Variants in LCMT2 observed in about 807,000 individuals in gnomAD.
The protein encoded by LCMT2 is tRNA wybutosine-synthesizing protein 4.
In LCMT2, 34 loss-of-function variants were observed where a neutral mutation model predicts 42.0. That is an observed-to-expected ratio of 0.81 (90% CI 0.62 to 1.08). The LOEUF is 1.08. Among genes scored for constraint, LCMT2 ranks in the 50% least tolerant of loss-of-function variants. The probability of loss-of-function intolerance (pLI) is 0.00; values close to 1 mark genes in which losing one functional copy is unlikely to be tolerated. For synonymous variants in LCMT2, 445 were observed against 369.5 expected, an observed-to-expected ratio of 1.20 and a Z score of -2.34; for missense variants, 1,091 against 889.4, an observed-to-expected ratio of 1.23 and a Z score of -2.88.
Position 43,326,982 on chromosome 15 carries a change from T to C in LCMT2, c.*1447A>G, listed in dbSNP as rs185132332. 3 of 152,346 alleles carry C rather than the reference T, an allele frequency of 2.0e-5. No individual in the cohort carries two copies. The East Asian group carries it at 5.8e-4, about 29-fold the overall frequency. 9.4% of individuals were successfully genotyped at this position (152,346 alleles called of 1,614,324 possible). On this transcript the variant is annotated 3_prime_UTR_variant, in exon 1 of 1. Transcript: ENST00000305641. ...AAGAAATACTAAAGTAATACACTTA[T>C]TACCACCAAAGCCACTACATTTTTT...
In LCMT2 at chr15:43,329,582, C is replaced by T. The variant is rs761324436; in HGVS notation, c.908G>A (p.Cys303Tyr). Residue 303 changes from cysteine to tyrosine, a missense_variant, in exon 1 of 1, where the codon TGC becomes TAC. By Grantham distance (194) the Cys-to-Tyr change is radical. Transcript: ENST00000305641. ...FDEFEEWHLK[C>Y]AHYFILAASR... ...AGCTGCCAGAATGAAATAATGGGCGCACTTCAGATGCCACTCCTCAAATTC... is the reference window on the plus strand; with the variant it reads ...AGCTGCCAGAATGAAATAATGGGCGTACTTCAGATGCCACTCCTCAAATTC... The T allele has an allele frequency of 6.2e-7, 1 of 1,614,112 alleles. No individual in the cohort carries two copies. The highest frequency in any genetic ancestry group is 8.5e-7 in the Non-Finnish European group (1 of 1,179,978).
In LCMT2 at chr15:43,329,844, CG is replaced by C; in HGVS notation, c.645del (p.Phe215LeufsTer7). ...WAAQRFPNAL[F>X]VVYEQMRPQD... ...TGAGGCCTCATCTGCTCATAGACCA[CG>C]AAAAGGGCATTAGGAAAACGCTGGG... On this transcript the variant is annotated frameshift_variant, in exon 1 of 1. Transcript: ENST00000305641. LOFTEE classifies it high-confidence loss of function. 1 of 1,613,856 alleles carries C rather than the reference CG, an allele frequency of 6.2e-7. No individual in the cohort carries two copies. Among genetic ancestry groups the C allele is most frequent in the Non-Finnish European group, 8.5e-7 (1 of 1,180,014 alleles).
rs1455208359 is a variant in LCMT2, at chr15:43,324,088, A to C, written c.*4341T>G. ...GGGATGACAGAATTCTTGTTTACTCATAATTATTGACATCCAAGGAAATCT... is the reference window on the plus strand; with the variant it reads ...GGGATGACAGAATTCTTGTTTACTCCTAATTATTGACATCCAAGGAAATCT... On this transcript the variant is annotated 3_prime_UTR_variant, in exon 1 of 1. Transcript: ENST00000305641. The C allele has an allele frequency of 6.6e-6, 1 of 152,140 alleles. No individual in the cohort carries two copies. The highest frequency in any genetic ancestry group is 6.5e-5 in the Admixed American group (1 of 15,278). The allele number at this position is 152,140 out of a possible 1,614,324, so 9.4% of individuals were successfully genotyped here.
rs762129109 is a variant in LCMT2, at chr15:43,327,573, A to G, written c.*856T>C. 1.3e-5 allele frequency: 2 copies of G among 152,248 alleles called. No individual in the cohort carries two copies. The highest frequency in any genetic ancestry group is 2.9e-5 in the Non-Finnish European group (2 of 68,054). 9.4% of individuals were successfully genotyped at this position (152,248 alleles called of 1,614,324 possible). A position where few individuals can be genotyped will look rare whatever the true frequency, so the allele number is the denominator to read the frequency against. On this transcript the variant is annotated 3_prime_UTR_variant, in exon 1 of 1. Coordinates refer to ENST00000305641, the MANE Select transcript of LCMT2 (RefSeq NM_014793.5). The stretch of plus-strand genomic sequence containing the variant: ...TGCCAACTTGCAAACCAACAGGGGA[A>G]GAATTGGGAATAAATACCAACTCAC...
Position 43,328,635 on chromosome 15 carries a change from A to G in LCMT2, c.1855T>C (p.Leu619=). The stretch of plus-strand genomic sequence containing the variant: ...TACTCAGAGCTCAATCCTGTAGTCA[A>G]ATTGATCACAGTCACTCCAGGAAAT... ...SSFPGVTVIN[L]TTGLSSEYQI... The change falls in exon 1 of 1, where the codon TTG becomes CTG. Residue 619 remains leucine (L), a synonymous_variant. Coordinates refer to ENST00000305641, the MANE Select transcript of LCMT2 (RefSeq NM_014793.5). 6.2e-7 allele frequency: 1 copy of G among 1,614,190 alleles called. No individual in the cohort carries two copies. Among genetic ancestry groups the G allele is most frequent in the South Asian group, 1.1e-5 (1 of 91,072 alleles).
rs2043109918 is a variant in LCMT2 at position 43,324,969 on chromosome 15, C to G, written c.*3460G>C. The G allele has an allele frequency of 6.6e-6, 1 of 152,142 alleles. No individual in the cohort carries two copies. Among genetic ancestry groups the G allele is most frequent in the African/African-American group, 2.4e-5 (1 of 41,414 alleles). 9.4% of individuals were successfully genotyped at this position (152,142 alleles called of 1,614,324 possible). A position where few individuals can be genotyped will look rare whatever the true frequency, so the allele number is the denominator to read the frequency against. ...GAACATATTGGATACATACCATCTCCCAAAGATCATTAAGAAGACTTAAAG... is the reference window on the plus strand; with the variant it reads ...GAACATATTGGATACATACCATCTCGCAAAGATCATTAAGAAGACTTAAAG... On this transcript the variant is annotated 3_prime_UTR_variant, in exon 1 of 1. Coordinates refer to ENST00000305641, the MANE Select transcript of LCMT2 (RefSeq NM_014793.5).
In LCMT2 at chr15:43,326,444, GACA is replaced by G. The variant is rs1044141213; in HGVS notation, c.*1982_*1984del. On this transcript the variant is annotated 3_prime_UTR_variant, in exon 1 of 1. Coordinates refer to ENST00000305641, the MANE Select transcript of LCMT2 (RefSeq NM_014793.5). ...CAAAGTCTCAGGAAAGCTGAAGTTGGACAACAACCTTTTTTTTTTTTCTTTTTA... is the reference window on the plus strand; with the variant it reads ...CAAAGTCTCAGGAAAGCTGAAGTTGGACAACCTTTTTTTTTTTTCTTTTTA... 2.0e-5 allele frequency: 3 copies of G among 150,478 alleles called. No individual in the cohort carries two copies. The highest frequency in any genetic ancestry group is 3.0e-5 in the Non-Finnish European group (2 of 67,294). The allele number at this position is 150,478 out of a possible 1,614,324, so 9.3% of individuals were successfully genotyped here.
Position 43,323,996 on chromosome 15 carries a change from A to G in LCMT2, c.*4433T>C, listed in dbSNP as rs867709464. The G allele has an allele frequency of 6.6e-6, 1 of 152,140 alleles. No individual in the cohort carries two copies. The highest frequency in any genetic ancestry group is 2.1e-4 in the South Asian group (1 of 4,824). 9.4% of individuals were successfully genotyped at this position (152,140 alleles called of 1,614,324 possible). A position where few individuals can be genotyped will look rare whatever the true frequency, so the allele number is the denominator to read the frequency against. On this transcript the variant is annotated 3_prime_UTR_variant, in exon 1 of 1. Coordinates refer to ENST00000305641, the MANE Select transcript of LCMT2 (RefSeq NM_014793.5). ...TCAGTCAAGGAACTGCCCCTTCCCAATCATGTGCTTTCTATCAATGTCCAA... is the reference window on the plus strand; with the variant it reads ...TCAGTCAAGGAACTGCCCCTTCCCAGTCATGTGCTTTCTATCAATGTCCAA...
rs2043143424 is a variant in LCMT2 at position 43,329,162 on chromosome 15, G to A, written c.1328C>T (p.Ala443Val). The change falls in exon 1 of 1, where the codon GCC becomes GTC. Residue 443 changes from alanine (A) to valine (V), a missense_variant. Coordinates refer to ENST00000305641, the MANE Select transcript of LCMT2 (RefSeq NM_014793.5). The part of the protein sequence containing the change: ...LGGRLSPVSP[A>V]LGVLQLHFFK... ...AAAATGAAGCTGGAGAACCCCCAAG[G>A]CTGGACTTACTGGGGACAGTCTCCC... 4.3e-6 allele frequency: 7 copies of A among 1,613,996 alleles called. No homozygotes were observed. Among genetic ancestry groups the A allele is most frequent in the Non-Finnish European group, 5.9e-6 (7 of 1,180,024 alleles).
Position 43,329,661 on chromosome 15 carries a change from A to G in LCMT2, c.829T>C (p.Cys277Arg). 3 of 1,613,874 alleles carry G rather than the reference A, an allele frequency of 1.9e-6. No homozygotes were observed. The highest frequency in any genetic ancestry group is 2.5e-6 in the Non-Finnish European group (3 of 1,180,026). ...GAVDMNEFYH[C>R]FLPAEERRRV... The stretch of plus-strand genomic sequence containing the variant: ...CGGCGTTCTTCTGCGGGAAGAAAGC[A>G]GTGATAGAATTCATTCATGTCCACG... Residue 277 changes from cysteine to arginine, a missense_variant, in exon 1 of 1, where the codon TGC (cysteine) becomes CGC (arginine). Coordinates refer to ENST00000305641, the MANE Select transcript of LCMT2 (RefSeq NM_014793.5).
Position 43,328,311 on chromosome 15 carries a change from G to C in LCMT2, c.*118C>G, listed in dbSNP as rs1331517421. The C allele has an allele frequency of 4.5e-5, 52 of 1,148,196 alleles. No individual in the cohort carries two copies. In the East Asian group the frequency reaches 1.2e-3, roughly 26 times the overall value. 71.1% of individuals were successfully genotyped at this position (1,148,196 alleles called of 1,614,324 possible). ...TTTTTCACTTTTTGCACTGAATAGT[G>C]CTAAGGGAAAAAAAGGATGGGGAAA... is the stretch of plus-strand genomic sequence containing the variant. On this transcript the variant is annotated 3_prime_UTR_variant, in exon 1 of 1. Coordinates refer to ENST00000305641, the MANE Select transcript of LCMT2 (RefSeq NM_014793.5).
At position 43,329,253 on chromosome 15, in the gene LCMT2, G is replaced by T. The variant is rs774369311; in HGVS notation, c.1237C>A (p.Gln413Lys). ...GTGTGATAAAGGCGTCCATCCCACT[G>T]AACTCCAGTCCCACAACTGCCTATT... ...SQIGSCGTGV[Q>K]WDGRLYHTMT... Residue 413 changes from glutamine (Q) to lysine (K), a missense_variant, in exon 1 of 1, where the codon CAG becomes AAG. By Grantham distance (53) the Gln-to-Lys change is moderately conservative. Transcript: ENST00000305641. 28 of 1,613,868 alleles carry T rather than the reference G, an allele frequency of 1.7e-5. No homozygotes were observed. Among genetic ancestry groups the T allele is most frequent in the South Asian group, 7.7e-5 (7 of 91,086 alleles).
Position 43,330,412 on chromosome 15 carries a change from G to A in LCMT2, c.78C>T (p.Ser26=), listed in dbSNP as rs769551697. ...TNDSSALSKR[S]LAARGYVQDP... ...CCTGCACGTACCCGCGCGCGGCCAG[G>A]GAACGCTTGCTGAGGGCGCTGCTGT... is the stretch of plus-strand genomic sequence containing the variant. Residue 26 remains serine, a synonymous_variant, in exon 1 of 1, where the codon TCC becomes TCT. Coordinates refer to ENST00000305641, the MANE Select transcript of LCMT2 (RefSeq NM_014793.5). 7.0e-6 allele frequency: 11 copies of A among 1,570,986 alleles called. No individual in the cohort carries two copies. The highest frequency in any genetic ancestry group is 4.5e-5 in the East Asian group (2 of 44,630).
chr15:43,330,507 G>A lies in LCMT2; in HGVS notation c.-18C>T, dbSNP rs769020162. ...GGGCCCATGGCCAGAAGAGACTCAG[G>A]AATGGCAGTCTGTCACGGTTGTGAG... is the stretch of plus-strand genomic sequence containing the variant. On this transcript the variant is annotated 5_prime_UTR_variant, in exon 1 of 1. Coordinates refer to ENST00000305641, the MANE Select transcript of LCMT2 (RefSeq NM_014793.5). 1 of 1,512,406 alleles carries A rather than the reference G, an allele frequency of 6.6e-7. No individual in the cohort carries two copies. The highest frequency in any genetic ancestry group is 2.4e-5 in the Admixed American group (1 of 42,208). The allele number at this position is 1,512,406 out of a possible 1,614,324, so 93.7% of individuals were successfully genotyped here. A position where few individuals can be genotyped will look rare whatever the true frequency, so the allele number is the denominator to read the frequency against.
In LCMT2 at chr15:43,324,722, A is replaced by C. The variant is rs1321106304; in HGVS notation, c.*3707T>G. ...TTCTTTTATTCACCAAACTCTTCAAAGAGCTTCTCTTCAAAGGCTTCTCTT... is the reference window on the plus strand; with the variant it reads ...TTCTTTTATTCACCAAACTCTTCAACGAGCTTCTCTTCAAAGGCTTCTCTT... On this transcript the variant is annotated 3_prime_UTR_variant, in exon 1 of 1. Transcript: ENST00000305641. 1 of 152,320 alleles carries C rather than the reference A, an allele frequency of 6.6e-6. No individual in the cohort carries two copies. Among genetic ancestry groups the C allele is most frequent in the Admixed American group, 6.5e-5 (1 of 15,298 alleles). The allele number at this position is 152,320 out of a possible 1,614,324, so 9.4% of individuals were successfully genotyped here. A position where few individuals can be genotyped will look rare whatever the true frequency, so the allele number is the denominator to read the frequency against.
chr15:43,330,070 C>G lies in LCMT2; in HGVS notation c.420G>C (p.Glu140Asp), dbSNP rs765630811. ...PELCALTGPF[E>D]RGEPASALCF... ...ACAGCGCGGACGCGGGCTCCCCCCT[C>G]TCGAAAGGCCCGGTTAACGCGCACA... The change falls in exon 1 of 1, where the codon GAG becomes GAC. Residue 140 changes from glutamate to aspartate, a missense_variant. Glu to Asp is a conservative substitution (Grantham distance 45, BLOSUM62 2). Transcript: ENST00000305641. 2 of 1,612,292 alleles carry G rather than the reference C, an allele frequency of 1.2e-6. No individual in the cohort carries two copies. The highest frequency in any genetic ancestry group is 2.2e-5 in the South Asian group (2 of 91,076).
chr15:43,328,204 ACTC>A lies in LCMT2; in HGVS notation c.*222_*224del. On this transcript the variant is annotated 3_prime_UTR_variant, in exon 1 of 1. Coordinates refer to ENST00000305641, the MANE Select transcript of LCMT2 (RefSeq NM_014793.5). ...ATTAGAAAATTAGAGGCAGACCACT[ACTC>A]CTCTCGGACTGCATGGCCACTGTCT... 1.9e-6 allele frequency: 1 copy of A among 521,610 alleles called. No individual in the cohort carries two copies. Among genetic ancestry groups the A allele is most frequent in the East Asian group, 3.1e-5 (1 of 32,282 alleles). The allele number at this position is 521,610 out of a possible 1,614,324, so 32.3% of individuals were successfully genotyped here.
Position 43,330,521 on chromosome 15 carries a change from C to T in LCMT2, c.-32G>A. On this transcript the variant is annotated 5_prime_UTR_variant, in exon 1 of 1. Coordinates refer to ENST00000305641, the MANE Select transcript of LCMT2 (RefSeq NM_014793.5). ...AAGAGACTCAGGAATGGCAGTCTGT[C>T]ACGGTTGTGAGCCGCCCCTTGGTTA... 2 of 1,510,192 alleles carry T rather than the reference C, an allele frequency of 1.3e-6. No individual in the cohort carries two copies. Among genetic ancestry groups the T allele is most frequent in the South Asian group, 1.3e-5 (1 of 74,466 alleles). 93.5% of individuals were successfully genotyped at this position (1,510,192 alleles called of 1,614,324 possible).
In LCMT2 at chr15:43,330,421, G is replaced by C. The variant is rs1383573955; in HGVS notation, c.69C>G (p.Ser23Arg). The C allele has an allele frequency of 6.4e-7, 1 of 1,562,786 alleles. No individual in the cohort carries two copies. Among genetic ancestry groups the C allele is most frequent in the South Asian group, 1.2e-5 (1 of 82,606 alleles). ...ACCCGCGCGCGGCCAGGGAACGCTT[G>C]CTGAGGGCGCTGCTGTCGTTGGTGT... ...VQNTNDSSAL[S>R]KRSLAARGYV... Residue 23 changes from serine to arginine, a missense_variant, in exon 1 of 1, where the codon AGC (serine) becomes AGG (arginine). Ser to Arg is a moderately radical substitution (Grantham distance 110). Coordinates refer to ENST00000305641, the MANE Select transcript of LCMT2 (RefSeq NM_014793.5).
Sources: gnomAD v4.1 joint callset for allele counts on GRCh38, gnomAD v4.1.1 for gene constraint, MANE v1.5 for transcripts, NCBI Gene and HGNC (gene_info 2026-07-23, HGNC 2026-07-21) for gene names.